PTPRT: variants seen among roughly 807,000 people sequenced by gnomAD.
PTPRT encodes the protein protein tyrosine phosphatase receptor type T, also known as receptor-type tyrosine-protein phosphatase T.
A neutral mutation model predicts 176.8 loss-of-function variants in PTPRT; 56 were observed. The observed-to-expected ratio is 0.32, with a 90% CI of 0.26 to 0.40. The LOEUF (loss-of-function observed/expected upper bound fraction) is 0.40, where lower values mean the gene tolerates loss of function less well. PTPRT is among the 10% of genes least tolerant of loss of function. The pLI is 1.00. For missense variants in PTPRT, 1,540 were observed against 1,908.2 expected (o/e 0.81, Z 3.60); for synonymous variants, 783 against 739.0 (o/e 1.06, Z -0.96).
intron 1 of PTPRT, among the ~76,000 whole-genome samples, chr20:42,965,565 T>C (rs1030177566): frequency 4.6e-5 from 7 of 152,190 alleles, no homozygotes; most frequent in Admixed American, 4.6e-4. Flanking sequence ...GAAAATTTAA[T>C]AGCTCTTATG....
chr20:42,249,022 T>C (rs2056505266), intron 13 of PTPRT, among the ~76,000 whole-genome samples, 200 bp from the exon 14 acceptor site: 3 of 152,224 alleles, frequency 2.0e-5, no homozygotes, highest in Admixed American at 6.5e-5. Context: ...TTAGATTCTT[T>C]TGAGATGAAG....
intron 20 of PTPRT, 41 bp downstream of exon 20, chr20:42,119,894 T>C: frequency 6.3e-7 from 1 of 1,576,586 alleles, no homozygotes; most frequent in Non-Finnish European, 8.7e-7. Context: ...CTGGGACCCC[T>C]GAAGCCTCTC....
chr20:42,683,329 G>A (rs531193059), intron 6 of PTPRT, among the ~76,000 whole-genome samples: 1 of 142,056 alleles, frequency 7.0e-6, no homozygotes, highest in South Asian at 2.2e-4. Context: ...CCAGGCTGGA[G>A]TGCAGTGGTG....
In PTPRT at chr20:42,125,463, A is replaced by C. The variant is rs372578011; in HGVS notation, c.2847+3291T>G. On this transcript the variant is annotated intron_variant, in intron 19 of 30. Coordinates refer to ENST00000373187, the MANE Select transcript of PTPRT (RefSeq NM_007050.6). ...CCACTGAGATTGAGCCTGGAGTTCA[A>C]TATCCCATAATAAGACAGCATGAAC... 5.9e-5 allele frequency among the ~76,000 whole-genome samples: 9 copies of C among 152,296 alleles called. No individual in the cohort carries two copies. In the East Asian group the frequency reaches 9.6e-4, roughly 16 times the overall value.
chr20:42,696,303 C>T (rs1029982100), intron 6 of PTPRT, among the ~76,000 whole-genome samples: 4 of 150,310 alleles, frequency 2.7e-5, no homozygotes, highest in Non-Finnish European at 4.4e-5. Context: ...CTTTCTGTTT[C>T]GCTTCCTCCC....
At position 42,744,300 on chromosome 20, in the gene PTPRT, A is replaced by G. The variant is rs78483471; in HGVS notation, c.859+12162T>C. On this transcript the variant is annotated intron_variant, in intron 6 of 30. Transcript: ENST00000373187. ...CCCTTCCCATAACACAGAACACACA[A>G]TTTTTGCCCTCATGTATTCTGGAAT... 8.1e-3 allele frequency among the ~76,000 whole-genome samples: 1,241 copies of G among 152,288 alleles called. 21 individuals are homozygous for G. Among genetic ancestry groups the G allele is most frequent in the African/African-American group, 0.028 (1,180 of 41,566 alleles).
chr20:42,571,897 TG>T (rs1335481893), intron 7 of PTPRT, among the ~76,000 whole-genome samples: 3 of 152,206 alleles, frequency 2.0e-5, no homozygotes, highest in Non-Finnish European at 2.9e-5. Context: ...AGCCACAGCT[TG>T]TGTCCCACAT....
At chr20:42,860,447 T>G (rs2078641680) in intron 2 of PTPRT, among the ~76,000 whole-genome samples, 1 of 152,248 alleles carries the variant, frequency 6.6e-6, no homozygotes, top group Non-Finnish European at 1.5e-5. Context: ...ACATTGCTTA[T>G]ACATTTCTAT....
At chr20:42,296,683 A>T (rs2057392897) in intron 12 of PTPRT, among the ~76,000 whole-genome samples, 1 of 152,206 alleles carries the variant, frequency 6.6e-6, no homozygotes, top group Admixed American at 6.5e-5. Context: ...AATGTAGAAG[A>T]TATTCATTTG....
At chr20:42,382,446 C>T (rs939318537) in intron 9 of PTPRT, among the ~76,000 whole-genome samples, 4 of 152,154 alleles carry the variant, frequency 2.6e-5, no homozygotes, top group Non-Finnish European at 5.9e-5. Context: ...AGACTGCTTC[C>T]AGATCCCTGT....
chr20:42,369,673 C>A (rs562910343), intron 9 of PTPRT, among the ~76,000 whole-genome samples: 6 of 152,216 alleles, frequency 3.9e-5, no homozygotes, highest in African/African-American at 9.6e-5. Context: ...AATCAACACC[C>A]AAACAAAGAG....
chr20:42,806,088 T>C (rs1011625), intron 2 of PTPRT, among the ~76,000 whole-genome samples: 12,197 of 151,320 alleles, frequency 0.081, 603 homozygotes, highest in Admixed American at 0.14. Flanking sequence ...GCCACACCCC[T>C]GCAGTCAAAA....
At chr20:42,323,349 C>T (rs1245131150) in intron 11 of PTPRT, among the ~76,000 whole-genome samples, 27 of 152,074 alleles carry the variant, frequency 1.8e-4, no homozygotes, top group Admixed American at 9.8e-4. Context: ...AGCAAAGACT[C>T]GGAACCAACC....
chr20:42,944,466 G>A (rs941700915), intron 1 of PTPRT, among the ~76,000 whole-genome samples: 1 of 152,134 alleles, frequency 6.6e-6, no homozygotes, highest in Non-Finnish European at 1.5e-5. Context: ...ATCCAAATTC[G>A]TTGAGATGGC....
intron 7 of PTPRT, among the ~76,000 whole-genome samples, chr20:42,597,601 C>T (rs1220225083): frequency 6.6e-6 from 1 of 152,168 alleles, no homozygotes; most frequent in Non-Finnish European, 1.5e-5. Context: ...TCTCTTTCTC[C>T]TGCTCTGGCC....
chr20:42,496,218 G>A (rs2071651316), intron 7 of PTPRT, among the ~76,000 whole-genome samples: 1 of 152,170 alleles, frequency 6.6e-6, no homozygotes, highest in Non-Finnish European at 1.5e-5. Flanking sequence ...GGTGGCAGAA[G>A]TGGAAGAAGT....
chr20:42,281,795 T>A (rs536001139), intron 13 of PTPRT, among the ~76,000 whole-genome samples: 1 of 152,292 alleles, frequency 6.6e-6, no homozygotes, highest in East Asian at 1.9e-4. Context: ...ATCAACTCTG[T>A]AACAAAAAGA....
chr20:42,240,339 C>A (rs1261688635), intron 14 of PTPRT, among the ~76,000 whole-genome samples: 1 of 150,916 alleles, frequency 6.6e-6, no homozygotes, highest in Non-Finnish European at 1.5e-5. Context: ...TTTCTCTAAG[C>A]CTTGAAGAAG....
At chr20:42,633,781 G>GAAAAAAAAAAAAAA (rs757072641) in intron 7 of PTPRT, among the ~76,000 whole-genome samples, 4 of 32,866 alleles carry the variant, frequency 1.2e-4, no homozygotes, top group African/African-American at 7.2e-4. Context: ...GCAAGACTCT[G>GAAAAAAAAAAAAAA]AAAATATATA....
Sources: gnomAD v4.1 joint callset for allele counts (sites outside exome capture counted in the v4.1 genomes callset) on GRCh38, gnomAD v4.1.1 for gene constraint, MANE v1.5 for transcripts, NCBI Gene and HGNC (gene_info 2026-07-23, HGNC 2026-07-21) for gene names.